The following GOLGA7 variants were observed in gnomAD, a reference collection of about 807,000 sequenced individuals.
GOLGA7 encodes golgin subfamily A member 7.
In GOLGA7, 10 loss-of-function variants were observed where a neutral mutation model predicts 21.1. That is an observed-to-expected ratio of 0.47 (90% CI 0.29 to 0.80). GOLGA7 has a LOEUF of 0.80. Ranked by LOEUF, GOLGA7 falls within the 30% of genes least tolerant of loss-of-function variation. The pLI is 0.08. For missense variants in GOLGA7, 114 were observed against 166.8 expected, an observed-to-expected ratio of 0.68 and a Z score of 1.74; for synonymous variants, 64 against 62.6, an observed-to-expected ratio of 1.02 and a Z score of -0.10.
At chr8:41,495,442 G>A (rs182523586) in intron 1 of GOLGA7, among the ~76,000 whole-genome samples, 32 of 151,428 alleles carry the variant, frequency 2.1e-4, no homozygotes, top group Admixed American at 6.6e-4. Context: ...GCACCACCAC[G>A]CCTGGCTAAT....
At chr8:41,499,710 G>C (rs1563417403) in intron 2 of GOLGA7, among the ~76,000 whole-genome samples, 1 of 152,168 alleles carries the variant, frequency 6.6e-6, no homozygotes, top group Non-Finnish European at 1.5e-5. Flanking sequence ...TTGTCTGCCT[G>C]CTGGGGTCTC....
At chr8:41,493,272 A>G (rs1237803073) in intron 1 of GOLGA7, among the ~76,000 whole-genome samples, 1 of 152,136 alleles carries the variant, frequency 6.6e-6, no homozygotes, top group Admixed American at 6.5e-5. Flanking sequence ...TCTACTACTT[A>G]CCCTAGAAAT....
At chr8:41,496,075 A>G (rs1806004875) in intron 1 of GOLGA7, among the ~76,000 whole-genome samples, 2 of 152,204 alleles carry the variant, frequency 1.3e-5, no homozygotes, top group Admixed American at 1.3e-4. Context: ...AAGTCTAAAC[A>G]CGAAATTCAT....
intron 2 of GOLGA7, among the ~76,000 whole-genome samples, chr8:41,504,136 A>AAAC (rs398007599): frequency 6.4e-5 from 7 of 108,728 alleles, no homozygotes; most frequent in Non-Finnish European, 1.2e-4. Flanking sequence ...AAAAAAAAAA[A>AAAC]CAAAACAAAA....
rs140679190 is a variant in GOLGA7 at position 41,497,692 on chromosome 8, C to A, written c.264+31C>A. On this transcript the variant is annotated intron_variant, in intron 2 of 4. Transcript: ENST00000357743. ...GCTACATTTGTTTTCACAAAAATCT[C>A]TTAAAATCATGAAGAAGGCAAGTTT... 51 of 1,295,590 alleles carry A rather than the reference C, an allele frequency of 3.9e-5. No homozygotes were observed. The African/African-American group carries it at 6.5e-4, about 16-fold the overall frequency. The allele number at this position is 1,295,590 out of a possible 1,614,324, so 80.3% of individuals were successfully genotyped here.
At position 41,497,643 on chromosome 8, in the gene GOLGA7, G is replaced by A; in HGVS notation, c.246G>A (p.Met82Ile). 1.3e-6 allele frequency: 2 copies of A among 1,552,218 alleles called. No homozygotes were observed. Among genetic ancestry groups the A allele is most frequent in the Non-Finnish European group, 1.8e-6 (2 of 1,133,700 alleles). The change falls in exon 2 of 5, where the codon ATG becomes ATA. Residue 82 changes from methionine to isoleucine, a missense_variant. Physicochemically the swap from Met to Ile is conservative, Grantham distance 10. Coordinates refer to ENST00000357743, the MANE Select transcript of GOLGA7 (RefSeq NM_001002296.2). ...CAGCATATACCATCTTCCTATGCAT[G>A]GAAACTCATTATGAGAAGGTAATGC... ...CLTAYTIFLC[M>I]ETHYEKVLKK...
chr8:41,503,887 G>C (rs1444271688), intron 2 of GOLGA7, among the ~76,000 whole-genome samples: 1 of 151,130 alleles, frequency 6.6e-6, no homozygotes, highest in African/African-American at 2.4e-5. Context: ...GATTGACTTG[G>C]CATATTCTCA....
chr8:41,496,304 T>C (rs1308444006), intron 1 of GOLGA7, among the ~76,000 whole-genome samples: 3 of 152,148 alleles, frequency 2.0e-5, no homozygotes, highest in African/African-American at 7.2e-5. Context: ...AACTATGTGT[T>C]GTGCGCCTGC....
intron 4 of GOLGA7, among the ~76,000 whole-genome samples, chr8:41,507,577 G>T (rs1458823472): frequency 6.6e-6 from 1 of 152,082 alleles, no homozygotes; most frequent in Non-Finnish European, 1.5e-5. Context: ...ATGTTTAAGT[G>T]GCTTCAGACC....
At chr8:41,506,908 G>A in intron 3 of GOLGA7, 151 bp from the exon 4 acceptor site, 1 of 657,878 alleles carries the variant, frequency 1.5e-6, no homozygotes, top group East Asian at 2.8e-5. Context: ...CAGCAAATTG[G>A]AGAAAGCAAA....
chr8:41,497,997 A>G lies in GOLGA7; in HGVS notation c.264+336A>G, dbSNP rs1312714703. ...ACTCTCTTCTCCCACCTGAGTTCTT[A>G]CTTTCTCTTTCCAGCTGCCTACTAG... On this transcript the variant is annotated intron_variant, in intron 2 of 4. Coordinates refer to ENST00000357743, the MANE Select transcript of GOLGA7 (RefSeq NM_001002296.2). Among the ~76,000 whole-genome samples, 3 of 152,072 alleles carry G rather than the reference A, an allele frequency of 2.0e-5. No individual in the cohort carries two copies. In the South Asian group the frequency reaches 6.2e-4, roughly 32 times the overall value.
chr8:41,499,855 C>A (rs1405415255), intron 2 of GOLGA7, among the ~76,000 whole-genome samples: 1 of 152,212 alleles, frequency 6.6e-6, no homozygotes, highest in Non-Finnish European at 1.5e-5. Context: ...GGACCATGCC[C>A]TTCTCTACCC....
chr8:41,495,192 G>A (rs1198815230), intron 1 of GOLGA7, among the ~76,000 whole-genome samples: 3 of 100,640 alleles, frequency 3.0e-5, no homozygotes, highest in Admixed American at 2.8e-4. Context: ...GACAGAGTGA[G>A]ACTCTGTCTC....
chr8:41,491,588 G>T (rs1055599935), intron 1 of GOLGA7, among the ~76,000 whole-genome samples: 2 of 151,822 alleles, frequency 1.3e-5, no homozygotes, highest in Non-Finnish European at 2.9e-5. Context: ...ATATCAAAAT[G>T]GTCATCAGGA....
At chr8:41,495,202 CAAAAAAAAAAA>C (rs1200554916) in intron 1 of GOLGA7, among the ~76,000 whole-genome samples, 109 of 39,626 alleles carry the variant, frequency 2.8e-3, no homozygotes, top group African/African-American at 7.3e-3. Flanking sequence ...GACTCTGTCT[CAAAAAAAAAAA>C]AAAAAAAAAA....
At chr8:41,498,959 T>TA (rs1806085161) in intron 2 of GOLGA7, among the ~76,000 whole-genome samples, 1 of 152,250 alleles carries the variant, frequency 6.6e-6, no homozygotes, top group African/African-American at 2.4e-5. Flanking sequence ...AGAAATGTCT[T>TA]ACACTCCATG....
chr8:41,503,606 G>A (rs1190267594), intron 2 of GOLGA7, among the ~76,000 whole-genome samples: 2 of 83,074 alleles, frequency 2.4e-5, no homozygotes, highest in South Asian at 9.1e-4. Context: ...GTAAGGAAGG[G>A]ATCCAGTTTC....
At chr8:41,506,659 T>C (rs72633898) in intron 3 of GOLGA7, among the ~76,000 whole-genome samples, 2,180 of 152,258 alleles carry the variant, frequency 0.014, 23 homozygotes, top group Non-Finnish European at 0.022. Flanking sequence ...TCTGCAACAA[T>C]AGTTCTTAAA....
At chr8:41,506,679 G>A (rs541371960) in intron 3 of GOLGA7, among the ~76,000 whole-genome samples, 2 of 152,180 alleles carry the variant, frequency 1.3e-5, no homozygotes, top group East Asian at 1.9e-4. Flanking sequence ...ACTTTCAGGG[G>A]TCATGAACCC....
Sources: allele counts gnomAD v4.1 joint callset (sites outside exome capture counted in the v4.1 genomes callset), GRCh38; gene constraint gnomAD v4.1.1; transcripts MANE v1.5; gene names NCBI Gene and HGNC (gene_info 2026-07-23, HGNC 2026-07-21).